The following CCNY variants were observed in gnomAD, a reference collection of about 807,000 sequenced individuals.
The protein encoded by CCNY is cyclin-Y.
Under a neutral mutation model 42.8 loss-of-function variants are expected in CCNY, and 19 were observed. That is an observed-to-expected ratio of 0.44 (90% CI 0.31 to 0.65). The LOEUF is 0.65. Ranked by LOEUF, CCNY falls within the 30% of genes least tolerant of loss-of-function variation. The pLI is 0.07. For synonymous variants in CCNY, 165 were observed against 162.7 expected (o/e 1.01, Z -0.11); for missense variants, 370 against 437.3 (o/e 0.85, Z 1.37).
chr10:35,307,602 C>T (rs1835622414), intron 3 of CCNY, among the ~76,000 whole-genome samples: 1 of 151,724 alleles, frequency 6.6e-6, no homozygotes, highest in South Asian at 2.1e-4. Context: ...AGGTACTGGG[C>T]TAAATAACCT....
intron 1 of CCNY, among the ~76,000 whole-genome samples, chr10:35,343,601 G>A (rs1304086517): frequency 6.6e-6 from 1 of 151,768 alleles, no homozygotes; most frequent in African/African-American, 2.4e-5. Flanking sequence ...TGTTGGCCAG[G>A]CCGATCTCAA....
chr10:35,398,844 G>T (rs2135224962), intron 1 of CCNY, among the ~76,000 whole-genome samples: 1 of 152,298 alleles, frequency 6.6e-6, no homozygotes, highest in Non-Finnish European at 1.5e-5. Context: ...ATTTGTGAGG[G>T]TAAGATATTC....
At chr10:35,440,853 A>G (rs1838651245) in intron 1 of CCNY, among the ~76,000 whole-genome samples, 1 of 152,286 alleles carries the variant, frequency 6.6e-6, no homozygotes, top group Non-Finnish European at 1.5e-5. Context: ...GTCTTAACTC[A>G]TAAACTGAGC....
chr10:35,500,428 TAGTCCCTTCAAC>T (rs1372043657), intron 2 of CCNY, among the ~76,000 whole-genome samples: 1 of 152,234 alleles, frequency 6.6e-6, no homozygotes, highest in African/African-American at 2.4e-5. Flanking sequence ...AACAGTTCCA[TAGTCCCTTCAAC>T]AGATCAGCAG....
In CCNY at chr10:35,383,265, A is replaced by G. The variant is rs537427735; in HGVS notation, c.154+46058A>G. 3.9e-5 allele frequency among the ~76,000 whole-genome samples: 6 copies of G among 152,194 alleles called. No homozygotes were observed. The East Asian group carries it at 1.2e-3, about 29-fold the overall frequency. ...AATCAATATTCAGCGTATGAAACTTAGTAAAGTAGGAAATTGAACTAGAAA... is the reference window on the plus strand; with the variant it reads ...AATCAATATTCAGCGTATGAAACTTGGTAAAGTAGGAAATTGAACTAGAAA... On this transcript the variant is annotated intron_variant, in intron 1 of 9. Transcript: ENST00000374704.
At chr10:35,279,384 G>A (rs1280489860) in intron 3 of CCNY, among the ~76,000 whole-genome samples, 1 of 152,114 alleles carries the variant, frequency 6.6e-6, no homozygotes, top group Non-Finnish European at 1.5e-5. Flanking sequence ...AAAGTGCTGG[G>A]ATTACAGGCA....
At chr10:35,529,640 A>T (rs1230828840) in intron 5 of CCNY, among the ~76,000 whole-genome samples, 2 of 152,068 alleles carry the variant, frequency 1.3e-5, no homozygotes, top group African/African-American at 4.8e-5. Context: ...AAGCAGGTGG[A>T]TCTCCTGAGG....
intron 1 of CCNY, among the ~76,000 whole-genome samples, chr10:35,388,695 T>A (rs1837347022): frequency 6.6e-6 from 1 of 152,266 alleles, no homozygotes; most frequent in South Asian, 2.1e-4. Context: ...CAAATTGCTA[T>A]GCACTTTCTG....
At chr10:35,450,096 A>G (rs978110967) in intron 1 of CCNY, among the ~76,000 whole-genome samples, 4 of 152,002 alleles carry the variant, frequency 2.6e-5, no homozygotes, top group Non-Finnish European at 2.9e-5. Context: ...TATGACTACA[A>G]GGCTGTGGCT....
At chr10:35,345,151 A>G (rs1836273028) in intron 1 of CCNY, among the ~76,000 whole-genome samples, 1 of 152,218 alleles carries the variant, frequency 6.6e-6, no homozygotes, top group Non-Finnish European at 1.5e-5. Flanking sequence ...GAATCACCAC[A>G]CTGACTTCCA....
chr10:35,292,931 T>C (rs1398423936), intron 3 of CCNY, among the ~76,000 whole-genome samples: 4 of 151,676 alleles, frequency 2.6e-5, no homozygotes, highest in Non-Finnish European at 5.9e-5. Context: ...AGACACCTGT[T>C]ACCACGCCTA....
intron 2 of CCNY, among the ~76,000 whole-genome samples, chr10:35,498,717 A>G (rs564255202): frequency 8.1e-4 from 124 of 152,328 alleles, no homozygotes; most frequent in African/African-American, 2.8e-3. Flanking sequence ...ACGCTCCAGA[A>G]GCAAGTCGGC....
chr10:35,289,734 C>T (rs922647465), intron 3 of CCNY, among the ~76,000 whole-genome samples: 1 of 151,680 alleles, frequency 6.6e-6, no homozygotes, highest in African/African-American at 2.4e-5. Context: ...ATTAGCTGGG[C>T]ATGGTGGCAG....
At chr10:35,334,678 G>A (rs1361297171), upstream of CCNY, among the ~76,000 whole-genome samples, 6 of 152,148 alleles carry the variant, frequency 3.9e-5, no homozygotes, top group African/African-American at 1.4e-4. Context: ...ATGGACATCT[G>A]CCACTTATCC....
intron 2 of CCNY, among the ~76,000 whole-genome samples, chr10:35,498,346 CAGTTAGGAAATGATGGGAAGGA>C (rs1840042547): frequency 6.6e-6 from 1 of 152,146 alleles, no homozygotes; most frequent in Non-Finnish European, 1.5e-5. Context: ...CCACTCCTAC[CAGTTAGGAAATGATGGGAAGGA>C]ACCCTCCTAA....
rs549517960 is a variant in CCNY, at chr10:35,340,055, C to T, written c.154+2848C>T. Among the ~76,000 whole-genome samples, 17 of 152,268 alleles carry T rather than the reference C, an allele frequency of 1.1e-4. No individual in the cohort carries two copies. The East Asian group carries it at 2.3e-3, about 21-fold the overall frequency. The stretch of plus-strand genomic sequence containing the variant: ...CTCTGTAGCAGCTGTCACCAGCTGC[C>T]GCTCTAAGTACTTGGATTCCATTCA... On this transcript the variant is annotated intron_variant, in intron 1 of 9. Transcript: ENST00000374704.
At chr10:35,453,829 C>CT (rs1838972142) in intron 1 of CCNY, among the ~76,000 whole-genome samples, 1 of 151,988 alleles carries the variant, frequency 6.6e-6, no homozygotes, top group South Asian at 2.1e-4. Context: ...AATTTTTAAA[C>CT]TAAGACCTAT....
At chr10:35,287,024 G>T (rs1835362538) in intron 3 of CCNY, among the ~76,000 whole-genome samples, 1 of 152,188 alleles carries the variant, frequency 6.6e-6, no homozygotes, top group African/African-American at 2.4e-5. Context: ...CTTTTTGGCA[G>T]TGAAAAATTC....
intron 4 of CCNY, among the ~76,000 whole-genome samples, chr10:35,520,649 C>T (rs1840529062): frequency 6.6e-6 from 1 of 152,140 alleles, no homozygotes; most frequent in South Asian, 2.1e-4. Context: ...TTTGCAAATT[C>T]TAGCTGGGGA....
Sources: gnomAD v4.1 joint callset for allele counts (sites outside exome capture counted in the v4.1 genomes callset) on GRCh38, gnomAD v4.1.1 for gene constraint, MANE v1.5 for transcripts, NCBI Gene and HGNC (gene_info 2026-07-23, HGNC 2026-07-21) for gene names.